MCTP1: variants seen among roughly 807,000 people sequenced by gnomAD.
MCTP1 encodes the protein multiple C2 and transmembrane domain-containing protein 1.
MCTP1 carries 69 observed loss-of-function variants against 120.6 expected under a neutral mutation model. The ratio of observed to expected loss-of-function variants is 0.57; its 90% CI spans 0.47 to 0.70. The LOEUF is 0.70. MCTP1 is among the 30% of genes least tolerant of loss of function. The pLI is 0.00. For missense variants in MCTP1, 1,203 were observed against 1,248.8 expected (o/e 0.96, Z 0.55); for synonymous variants, 529 against 493.1 (o/e 1.07, Z -0.96).
At chr5:95,153,961 A>G (rs1744814775) in intron 1 of MCTP1, among the ~76,000 whole-genome samples, 1 of 152,202 alleles carries the variant, frequency 6.6e-6, no homozygotes, top group Non-Finnish European at 1.5e-5. Context: ...TAAAAATTAT[A>G]TTTTTAGCTC....
intron 8 of MCTP1, among the ~76,000 whole-genome samples, chr5:94,914,999 T>C (rs765267250): frequency 5.3e-5 from 8 of 152,182 alleles, no homozygotes; most frequent in Non-Finnish European, 2.9e-5. Flanking sequence ...GTTTTAAACT[T>C]TGGACTGGAA....
At chr5:95,193,266 A>T (rs1750022625) in intron 1 of MCTP1, among the ~76,000 whole-genome samples, 1 of 152,270 alleles carries the variant, frequency 6.6e-6, no homozygotes, top group African/African-American at 2.4e-5. Context: ...GCATGAATCA[A>T]ATCACAGCTG....
intron 17 of MCTP1, among the ~76,000 whole-genome samples, chr5:94,855,238 C>T (rs1794514172): frequency 6.6e-6 from 1 of 151,814 alleles, no homozygotes; most frequent in South Asian, 2.1e-4. Context: ...CCATTCAGGA[C>T]TAAATTACAG....
rs796896180 is a variant in MCTP1, at chr5:94,733,637, G to A, written c.2611-18751C>T. ...GGATATGTCTGTAGTCACCAACTTG[G>A]AAAAAACAAAAATCACATCTAATGT... On this transcript the variant is annotated intron_variant, in intron 19 of 22. Transcript: ENST00000515393. Among the ~76,000 whole-genome samples the A allele has an allele frequency of 5.3e-5, 8 of 151,530 alleles. No homozygotes were observed. The South Asian group carries it at 6.2e-4, about 12-fold the overall frequency.
intron 1 of MCTP1, among the ~76,000 whole-genome samples, chr5:95,205,009 T>C (rs1357077034): frequency 6.6e-6 from 1 of 152,076 alleles, no homozygotes; most frequent in Non-Finnish European, 1.5e-5. Context: ...ATATGGAAAT[T>C]CAAAGGAACC....
intron 19 of MCTP1, among the ~76,000 whole-genome samples, chr5:94,740,297 A>AT (rs1443936763): frequency 6.6e-6 from 1 of 152,168 alleles, no homozygotes; most frequent in African/African-American, 2.4e-5. Flanking sequence ...GTTGAATTTG[A>AT]TTTTTTTAGA....
At position 94,809,336 on chromosome 5, in the gene MCTP1, G is replaced by A. The variant is rs551442896; in HGVS notation, c.2437-10204C>T. ...ATGAAAGGCTCTGGCTTTGCTTTGA[G>A]AACACTGACAACTCCAAAATGTAAA... is the stretch of plus-strand genomic sequence containing the variant. On this transcript the variant is annotated intron_variant, in intron 17 of 22. Transcript: ENST00000515393. Among the ~76,000 whole-genome samples the A allele has an allele frequency of 4.6e-5, 7 of 151,874 alleles. No individual in the cohort carries two copies. The South Asian group carries it at 1.0e-3, about 23-fold the overall frequency.
chr5:94,846,823 G>C (rs1792497588), intron 17 of MCTP1, among the ~76,000 whole-genome samples: 1 of 151,428 alleles, frequency 6.6e-6, no homozygotes, highest in South Asian at 2.1e-4. Flanking sequence ...GTGTCTGTGT[G>C]TGTGTGTGTG....
chr5:94,941,033 A>AAATGCTCAT (rs1817586671), intron 4 of MCTP1, among the ~76,000 whole-genome samples: 1 of 152,010 alleles, frequency 6.6e-6, no homozygotes, highest in Non-Finnish European at 1.5e-5. Context: ...AATACACACC[A>AAATGCTCAT]AATGCTCATG....
At chr5:94,862,001 G>A (rs566762616) in intron 17 of MCTP1, among the ~76,000 whole-genome samples, 16 of 151,898 alleles carry the variant, frequency 1.1e-4, no homozygotes, top group African/African-American at 3.6e-4. Context: ...TGAGGCACAT[G>A]AGAAAGCTAA....
intron 19 of MCTP1, among the ~76,000 whole-genome samples, chr5:94,754,868 ACTTGTCTCCTTCC>A (rs1769387028): frequency 6.6e-6 from 1 of 152,006 alleles, no homozygotes; most frequent in Admixed American, 6.6e-5. Flanking sequence ...TTCTGGCTTC[ACTTGTCTCCTTCC>A]CTTGCAACCT....
chr5:95,043,741 T>G (rs72777399), intron 1 of MCTP1, among the ~76,000 whole-genome samples: 6,782 of 152,282 alleles, frequency 0.045, 274 homozygotes, highest in East Asian at 0.055. Flanking sequence ...CCTGGGCATA[T>G]TCTCAACTCA....
intron 1 of MCTP1, among the ~76,000 whole-genome samples, chr5:95,235,849 T>G (rs1755484440): frequency 6.6e-6 from 1 of 152,216 alleles, no homozygotes; most frequent in Non-Finnish European, 1.5e-5. Flanking sequence ...TTGTAAGAGC[T>G]GGAGTAGAGA....
At chr5:95,159,998 A>G (rs1286505380) in intron 1 of MCTP1, among the ~76,000 whole-genome samples, 3 of 152,218 alleles carry the variant, frequency 2.0e-5, no homozygotes, top group African/African-American at 7.2e-5. Context: ...AACTGCAAGT[A>G]GCTAGGTAAG....
intron 1 of MCTP1, among the ~76,000 whole-genome samples, chr5:95,186,290 A>T (rs1264049576): frequency 6.6e-6 from 1 of 151,828 alleles, no homozygotes; most frequent in African/African-American, 2.4e-5. Context: ...AGAAAAAAAA[A>T]ACTCCCAGAC....
intron 2 of MCTP1, among the ~76,000 whole-genome samples, chr5:94,958,486 T>C (rs1823262715): frequency 6.6e-6 from 1 of 152,084 alleles, no homozygotes; most frequent in Non-Finnish European, 1.5e-5. Context: ...AGGACCTGGT[T>C]TTTGAAAAGA....
At chr5:95,098,657 G>A (rs545205421) in intron 1 of MCTP1, among the ~76,000 whole-genome samples, 1 of 151,718 alleles carries the variant, frequency 6.6e-6, no homozygotes, top group African/African-American at 2.4e-5. Context: ...CCATGCTCAT[G>A]GGTAGGAAGA....
At chr5:94,775,287 G>T (rs576879637) in intron 19 of MCTP1, among the ~76,000 whole-genome samples, 2 of 152,120 alleles carry the variant, frequency 1.3e-5, no homozygotes, top group African/African-American at 2.4e-5. Context: ...TCCTGATATC[G>T]CAGCTGGATC....
At chr5:94,962,597 T>C (rs1033889750) in intron 2 of MCTP1, among the ~76,000 whole-genome samples, 2 of 152,014 alleles carry the variant, frequency 1.3e-5, no homozygotes, top group African/African-American at 4.8e-5. Context: ...TGGAGACTAT[T>C]ATTCTAAGTG....
Sources: allele counts gnomAD v4.1 joint callset (sites outside exome capture counted in the v4.1 genomes callset), GRCh38; gene constraint gnomAD v4.1.1; transcripts MANE v1.5; gene names NCBI Gene and HGNC (gene_info 2026-07-23, HGNC 2026-07-21).